The following LCMT1 variants were observed in gnomAD, a reference collection of about 807,000 sequenced individuals.
LCMT1 encodes the protein [Phosphatase 2A protein]-leucine-carboxy methyltransferase 1.
In LCMT1, 32 loss-of-function variants were observed where a neutral mutation model predicts 47.7. The observed-to-expected ratio is 0.67, with a 90% CI of 0.51 to 0.90. The LOEUF (loss-of-function observed/expected upper bound fraction) is 0.90. LCMT1 is among the 40% of genes least tolerant of loss of function. LCMT1 has a pLI of 0.00. For synonymous variants in LCMT1, 152 were observed against 149.7 expected, an observed-to-expected ratio of 1.02 and a Z score of -0.11; for missense variants, 375 against 415.2, an observed-to-expected ratio of 0.90 and a Z score of 0.84.
Position 25,123,490 on chromosome 16 carries a change from G to T in LCMT1, c.114-4985G>T, listed in dbSNP as rs111264325. 8.8e-3 allele frequency among the ~76,000 whole-genome samples: 1,328 copies of T among 151,252 alleles called. 25 individuals carry two copies. The highest frequency in any genetic ancestry group is 0.031 in the African/African-American group (1,273 of 41,214). On this transcript the variant is annotated intron_variant, in intron 1 of 10. Coordinates refer to ENST00000399069, the MANE Select transcript of LCMT1 (RefSeq NM_016309.3). ...TTCACCTGCCTCAGCCTCCCAAAGC[G>T]TTGGGATTACAGGCGTGAGCCACCG...
At position 25,140,188 on chromosome 16, in the gene LCMT1, A is replaced by T; in HGVS notation, c.345A>T (p.Pro115=). The change falls in exon 4 of 11, where the codon CCA becomes CCT. Residue 115 remains proline (P), a synonymous_variant. Coordinates refer to ENST00000399069, the MANE Select transcript of LCMT1 (RefSeq NM_016309.3). ...FWRLKDEDLL[P]SKYFEVDFPM... ...TTCCCCAGGATGAAGATCTTCTCCC[A>T]AGTAAATATTTTGAGGTTGACTTTC... 2 of 1,608,800 alleles carry T rather than the reference A, an allele frequency of 1.2e-6. No homozygotes were observed. The highest frequency in any genetic ancestry group is 1.7e-6 in the Non-Finnish European group (2 of 1,177,176).
intron 1 of LCMT1, among the ~76,000 whole-genome samples, chr16:25,114,701 T>G (rs929796654): frequency 6.6e-6 from 1 of 152,168 alleles, no homozygotes; most frequent in Admixed American, 6.5e-5. Flanking sequence ...TCCCTCCCTT[T>G]GCCTTCACCC....
At chr16:25,132,636 C>A in intron 3 of LCMT1, 113 bp downstream of exon 3, 1 of 1,176,482 alleles carries the variant, frequency 8.5e-7, no homozygotes, top group Non-Finnish European at 1.2e-6. Context: ...AAGCCTGTCT[C>A]CCACCCCTGT....
At chr16:25,130,358 AT>A (rs1301322274) in intron 2 of LCMT1, among the ~76,000 whole-genome samples, 1 of 118,782 alleles carries the variant, frequency 8.4e-6, no homozygotes, top group Non-Finnish European at 1.8e-5. Context: ...AAAAAAAAAA[AT>A]TCTTCAACAG....
chr16:25,157,837 T>TC (rs1347178173), intron 5 of LCMT1, among the ~76,000 whole-genome samples: 1 of 152,088 alleles, frequency 6.6e-6, no homozygotes, highest in Non-Finnish European at 1.5e-5. Context: ...GGCCAGGGGG[T>TC]CCCCACCTTT....
chr16:25,120,009 A>T (rs929587522), intron 1 of LCMT1, among the ~76,000 whole-genome samples: 5 of 151,468 alleles, frequency 3.3e-5, no homozygotes, highest in Non-Finnish European at 5.9e-5. Flanking sequence ...AAATACAAAA[A>T]ACTAGCTGGG....
At chr16:25,174,210 C>T (rs1037005286) in intron 9 of LCMT1, among the ~76,000 whole-genome samples, 2 of 152,224 alleles carry the variant, frequency 1.3e-5, no homozygotes, top group East Asian at 1.9e-4. Flanking sequence ...CTTCACCCAA[C>T]CTGTGTATGT....
chr16:25,129,508 A>G (rs1379977290), intron 2 of LCMT1, among the ~76,000 whole-genome samples: 1 of 152,254 alleles, frequency 6.6e-6, no homozygotes, highest in Non-Finnish European at 1.5e-5. Context: ...CCATTTAAAT[A>G]TCTTTCACTG....
At position 25,164,603 on chromosome 16, in the gene LCMT1, C is replaced by T. The variant is rs768072476; in HGVS notation, c.575C>T (p.Pro192Leu). Reference protein sequence around the residue: ...LKKCNMNTQLPTLLIAECVLV... With the variant: ...LKKCNMNTQLLTLLIAECVLV... ...TTTTTTTCCTTATCTTTAAGATTGC[C>T]AACACTCCTGATAGCTGAATGTGTG... Residue 192 changes from proline (P) to leucine (L), a missense_variant, in exon 7 of 11, where the codon CCA becomes CTA. Pro to Leu is a moderately conservative substitution (Grantham distance 98). Transcript: ENST00000399069. 1 of 1,613,868 alleles carries T rather than the reference C, an allele frequency of 6.2e-7. No homozygotes were observed. The highest frequency in any genetic ancestry group is 8.5e-7 in the Non-Finnish European group (1 of 1,179,848).
intron 9 of LCMT1, among the ~76,000 whole-genome samples, chr16:25,172,615 C>G (rs759572807): frequency 6.6e-6 from 1 of 152,216 alleles, no homozygotes; most frequent in Non-Finnish European, 1.5e-5. Context: ...CTTACAAGAT[C>G]ATGAGAAGAA....
intron 3 of LCMT1, among the ~76,000 whole-genome samples, chr16:25,135,293 C>CTATATA (rs753534387): frequency 3.8e-5 from 5 of 131,768 alleles, no homozygotes; most frequent in African/African-American, 1.0e-4. Flanking sequence ...AAATATATAT[C>CTATATA]TATATATATA....
chr16:25,154,876 A>G (rs931116468), intron 5 of LCMT1, among the ~76,000 whole-genome samples: 1 of 151,952 alleles, frequency 6.6e-6, no homozygotes, highest in African/African-American at 2.4e-5. Flanking sequence ...TTTGTGTCTC[A>G]TCGGTGAATT....
At chr16:25,165,812 C>T (rs958390424) in intron 7 of LCMT1, among the ~76,000 whole-genome samples, 6 of 150,990 alleles carry the variant, frequency 4.0e-5, no homozygotes, top group African/African-American at 7.3e-5. Context: ...CCACCATGCC[C>T]GGCTGACCCT....
At chr16:25,114,107 G>A (rs1959713717) in intron 1 of LCMT1, among the ~76,000 whole-genome samples, 1 of 152,240 alleles carries the variant, frequency 6.6e-6, no homozygotes, top group African/African-American at 2.4e-5. Context: ...GTTGCTGAAT[G>A]TGCAGTAGCT....
intron 8 of LCMT1, among the ~76,000 whole-genome samples, chr16:25,170,458 T>C (rs1306487441): frequency 6.6e-6 from 1 of 151,878 alleles, no homozygotes; most frequent in East Asian, 1.9e-4. Context: ...TCAGAGGAGG[T>C]CTGGTGTGCT....
chr16:25,120,735 TTTTGTTTTTTTTTTTTG>T (rs1388283973), intron 1 of LCMT1, among the ~76,000 whole-genome samples: 1 of 148,028 alleles, frequency 6.8e-6, no homozygotes, highest in African/African-American at 2.6e-5. Flanking sequence ...GGCCTTGTTT[TTTTGTTTTTTTTTTTTG>T]TTTTTTTTTT....
At chr16:25,123,856 G>T (rs961993020) in intron 1 of LCMT1, among the ~76,000 whole-genome samples, 18 of 151,960 alleles carry the variant, frequency 1.2e-4, no homozygotes, top group African/African-American at 4.3e-4. Flanking sequence ...TGATCCGCCC[G>T]CCTCGGCCTC....
intron 3 of LCMT1, among the ~76,000 whole-genome samples, chr16:25,137,179 C>T (rs1960527430): frequency 6.6e-6 from 1 of 152,128 alleles, no homozygotes; most frequent in East Asian, 1.9e-4. Context: ...GGATTACAGG[C>T]ACCTACCACC....
intron 6 of LCMT1, among the ~76,000 whole-genome samples, chr16:25,163,054 G>T (rs895778687): frequency 6.6e-6 from 1 of 152,146 alleles, no homozygotes; most frequent in Non-Finnish European, 1.5e-5. Flanking sequence ...TAGAGACAAG[G>T]TTTCACCATA....
Sources: gnomAD v4.1 joint callset for allele counts (sites outside exome capture counted in the v4.1 genomes callset) on GRCh38, gnomAD v4.1.1 for gene constraint, MANE v1.5 for transcripts, NCBI Gene and HGNC (gene_info 2026-07-23, HGNC 2026-07-21) for gene names.